Variants in KPNA7 observed in about 807,000 individuals in gnomAD.
The protein encoded by KPNA7 is importin subunit alpha-8.
In KPNA7, 54 loss-of-function variants were observed where a neutral mutation model predicts 53.7. That is an observed-to-expected ratio of 1.01 (90% CI 0.81 to 1.26). The LOEUF is 1.26. KPNA7 is among the 50% of genes most tolerant of loss of function. The probability of loss-of-function intolerance (pLI) is 0.00; values close to 1 mark genes in which losing one functional copy is unlikely to be tolerated. For synonymous variants in KPNA7, 276 were observed against 259.3 expected (o/e 1.06, Z -0.62); for missense variants, 640 against 644.5 (o/e 0.99, Z 0.07).
chr7:99,210,322 T>G (rs897028411), upstream of KPNA7, among the ~76,000 whole-genome samples: 1 of 152,188 alleles, frequency 6.6e-6, no homozygotes, highest in East Asian at 1.9e-4. Context: ...GTCTTCCCAG[T>G]CTTATTTTCT....
intron 8 of KPNA7, among the ~76,000 whole-genome samples, chr7:99,184,543 T>C (rs565078791): frequency 6.0e-4 from 91 of 152,304 alleles, no homozygotes; most frequent in African/African-American, 2.0e-3. Flanking sequence ...TTTCCTTCAG[T>C]GTATGATATC....
chr7:99,174,813 A>ATT (rs570102879), intron 10 of KPNA7, among the ~76,000 whole-genome samples: 7,174 of 145,764 alleles, frequency 0.049, 245 homozygotes, highest in East Asian at 0.17. Flanking sequence ...TCTCTTATTT[A>ATT]TTATTTTTTT....
the KPNA7 span, among the ~76,000 whole-genome samples, chr7:99,153,041 GC>G: frequency 6.6e-6 from 1 of 152,300 alleles, no homozygotes; most frequent in South Asian, 2.1e-4. Flanking sequence ...ATAATAACGG[GC>G]TGGTCTTAGG....
At chr7:99,188,603 A>G in intron 6 of KPNA7, 40 bp from the exon 7 acceptor site, 1 of 1,538,668 alleles carries the variant, frequency 6.5e-7, no homozygotes, top group Non-Finnish European at 8.8e-7. Context: ...GGTGCAAAGG[A>G]GAGAAAATGC....
At chr7:99,173,230 G>A (rs1469500217), downstream of KPNA7, among the ~76,000 whole-genome samples, 2 of 151,818 alleles carry the variant, frequency 1.3e-5, no homozygotes, top group African/African-American at 4.8e-5. Flanking sequence ...CACTCTTGTT[G>A]CCCAGGCTGG....
chr7:99,182,115 T>C, intron 8 of KPNA7, 50 bp from the exon 9 acceptor site: 1 of 1,405,556 alleles, frequency 7.1e-7, no homozygotes, highest in Non-Finnish European at 9.6e-7. Context: ...AGAACCTAAA[T>C]AGAGGACACC....
At chr7:99,148,964 C>T in the KPNA7 span, among the ~76,000 whole-genome samples, 4 of 146,858 alleles carry the variant, frequency 2.7e-5, no homozygotes, top group African/African-American at 1.0e-4. Flanking sequence ...GGCACCGTCT[C>T]GGCTCACAGC....
At chr7:99,217,738 C>G (rs1791250155) in intron 1 of KPNA7, among the ~76,000 whole-genome samples, 1 of 148,716 alleles carries the variant, frequency 6.7e-6, no homozygotes, top group African/African-American at 2.5e-5. Flanking sequence ...TGAAGCAATT[C>G]TCCTCCCTCA....
At chr7:99,193,238 C>T (rs1186054441) in intron 5 of KPNA7, 137 bp from the exon 6 acceptor site, 12 of 519,182 alleles carry the variant, frequency 2.3e-5, no homozygotes, top group South Asian at 1.8e-4. Context: ...AGTAGAGCCA[C>T]GTACTAAATT....
At chr7:99,219,145 G>T (rs1182636542) in intron 1 of KPNA7, among the ~76,000 whole-genome samples, 1 of 152,264 alleles carries the variant, frequency 6.6e-6, no homozygotes, top group Non-Finnish European at 1.5e-5. Flanking sequence ...GAGGCTGATT[G>T]AGTTGGTCAG....
the KPNA7 span, among the ~76,000 whole-genome samples, chr7:99,158,488 C>T: frequency 1.3e-5 from 2 of 152,000 alleles, no homozygotes; most frequent in African/African-American, 4.8e-5. Context: ...ATTCTGTTTT[C>T]ATTTGTACTA....
chr7:99,179,994 T>C (rs1468430418), intron 9 of KPNA7, among the ~76,000 whole-genome samples: 1 of 152,178 alleles, frequency 6.6e-6, no homozygotes, highest in Non-Finnish European at 1.5e-5. Flanking sequence ...CCACATTGAA[T>C]GGGGATGACC....
chr7:99,169,045 G>A (rs1798723760), downstream of KPNA7, among the ~76,000 whole-genome samples: 1 of 151,816 alleles, frequency 6.6e-6, no homozygotes, highest in Non-Finnish European at 1.5e-5. Flanking sequence ...AAAATTACCT[G>A]GCCGTGGTGG....
intron 8 of KPNA7, among the ~76,000 whole-genome samples, chr7:99,183,129 G>A (rs1789361901): frequency 6.6e-6 from 1 of 152,102 alleles, no homozygotes; most frequent in Non-Finnish European, 1.5e-5. Context: ...GGAGGCGTGT[G>A]CCTGTAATCC....
rs543349188 is a variant in KPNA7 at position 99,177,385 on chromosome 7, C to T, written c.1464+535G>A. Among the ~76,000 whole-genome samples the T allele has an allele frequency of 9.9e-5, 15 of 152,104 alleles. No individual in the cohort carries two copies. The South Asian group carries it at 3.1e-3, about 32-fold the overall frequency. ...ATCACTTGAGGCCAGGAGTTTGAGA[C>T]CAGCCTGGCTAACACAGGGAAACCC... On this transcript the variant is annotated intron_variant, in intron 10 of 10. Transcript: ENST00000327442.
chr7:99,207,325 G>T (rs548484361), intron 2 of KPNA7, 76 bp downstream of exon 2: 10 of 1,242,844 alleles, frequency 8.0e-6, no homozygotes, highest in Middle Eastern at 2.0e-4. Context: ...GAGCCACCGC[G>T]CCTGGTCTCT....
the KPNA7 span, among the ~76,000 whole-genome samples, chr7:99,151,341 C>T: frequency 6.6e-6 from 1 of 152,184 alleles, no homozygotes; most frequent in Admixed American, 6.5e-5. Context: ...TTCCCAGGAA[C>T]CATATTCTAG....
At chr7:99,159,724 A>G in the KPNA7 span, among the ~76,000 whole-genome samples, 1 of 152,192 alleles carries the variant, frequency 6.6e-6, no homozygotes, top group African/African-American at 2.4e-5. Context: ...AAAACAGCCA[A>G]TCATTCTTTA....
chr7:99,195,798 A>G (rs570323409), intron 4 of KPNA7, among the ~76,000 whole-genome samples: 1 of 152,310 alleles, frequency 6.6e-6, no homozygotes, highest in South Asian at 2.1e-4. Context: ...ATTTTTCGGT[A>G]TTAAATCAAC....
Sources: gnomAD v4.1 joint callset for allele counts (sites outside exome capture counted in the v4.1 genomes callset) on GRCh38, gnomAD v4.1.1 for gene constraint, MANE v1.5 for transcripts, NCBI Gene and HGNC (gene_info 2026-07-23, HGNC 2026-07-21) for gene names.